The following MARCHF8 variants were observed in gnomAD, a reference collection of about 807,000 sequenced individuals.
The protein encoded by MARCHF8 is membrane associated ring-CH-type finger 8.
Under a neutral mutation model 51.6 loss-of-function variants are expected in MARCHF8, and 40 were observed. The ratio of observed to expected loss-of-function variants is 0.77; its 90% confidence interval spans 0.60 to 1.01. The LOEUF (loss-of-function observed/expected upper bound fraction) is 1.01. Ranked by LOEUF, MARCHF8 falls within the 50% of genes least tolerant of loss-of-function variation. MARCHF8 has a pLI of 0.00. For missense variants in MARCHF8, 685 were observed against 708.6 expected, an observed-to-expected ratio of 0.97 and a Z score of 0.38; for synonymous variants, 263 against 280.3, an observed-to-expected ratio of 0.94 and a Z score of 0.62.
At chr10:45,468,914 C>A (rs1189416566) in intron 3 of MARCHF8, among the ~76,000 whole-genome samples, 2 of 152,092 alleles carry the variant, frequency 1.3e-5, no homozygotes, top group Admixed American at 6.5e-5. Context: ...AGGATGACAA[C>A]TGCCCTCAGG....
chr10:45,571,312 G>A (rs1462146222), intron 1 of MARCHF8, among the ~76,000 whole-genome samples: 1 of 152,128 alleles, frequency 6.6e-6, no homozygotes, highest in Non-Finnish European at 1.5e-5. Context: ...ACATTACCTT[G>A]TGAAATTCCT....
intron 2 of MARCHF8, among the ~76,000 whole-genome samples, chr10:45,494,817 T>C (rs1168793202): frequency 6.6e-6 from 1 of 152,144 alleles, no homozygotes; most frequent in Non-Finnish European, 1.5e-5. Flanking sequence ...AGGACCCCTT[T>C]ATCCTGTAAA....
At chr10:45,485,451 C>T (rs1312720491) in intron 3 of MARCHF8, among the ~76,000 whole-genome samples, 2 of 152,208 alleles carry the variant, frequency 1.3e-5, no homozygotes, top group African/African-American at 2.4e-5. Context: ...ATTGTAATTG[C>T]TTAAATATCC....
chr10:45,473,877 A>T (rs2042739657), intron 3 of MARCHF8, among the ~76,000 whole-genome samples: 1 of 152,142 alleles, frequency 6.6e-6, no homozygotes. Context: ...GGACTTTCCA[A>T]GCAGGTGACA....
chr10:45,493,074 T>C (rs1407256857), intron 2 of MARCHF8, among the ~76,000 whole-genome samples: 1 of 152,224 alleles, frequency 6.6e-6, no homozygotes, highest in Non-Finnish European at 1.5e-5. Context: ...AAAAGTGTTT[T>C]GGTGAGAAAT....
chr10:45,527,486 T>C (rs1354279335), intron 2 of MARCHF8, among the ~76,000 whole-genome samples: 7 of 152,128 alleles, frequency 4.6e-5, no homozygotes. Context: ...TGAACATCTC[T>C]ACACTAACGA....
intron 3 of MARCHF8, among the ~76,000 whole-genome samples, chr10:45,484,294 T>A (rs890917902): frequency 6.6e-6 from 1 of 152,202 alleles, no homozygotes; most frequent in African/African-American, 2.4e-5. Flanking sequence ...GCAAGGGAAG[T>A]ACATAGGGTG....
intron 1 of MARCHF8, among the ~76,000 whole-genome samples, chr10:45,584,124 A>G (rs1365247445): frequency 3.3e-5 from 2 of 59,864 alleles, no homozygotes; most frequent in Non-Finnish European, 6.6e-5. Flanking sequence ...CATATATACA[A>G]TCATATATAT....
At chr10:45,483,306 C>A (rs2042921825) in intron 3 of MARCHF8, among the ~76,000 whole-genome samples, 1 of 151,902 alleles carries the variant, frequency 6.6e-6, no homozygotes. Context: ...ACAAACAATC[C>A]CATTAAAAAG....
chr10:45,559,224 A>C (rs557404726), intron 1 of MARCHF8, among the ~76,000 whole-genome samples: 1 of 152,248 alleles, frequency 6.6e-6, no homozygotes, highest in Non-Finnish European at 1.5e-5. Flanking sequence ...TGTGAAAATC[A>C]CTTGCAAACT....
intron 2 of MARCHF8, among the ~76,000 whole-genome samples, chr10:45,519,452 G>A (rs1439751926): frequency 2.0e-5 from 3 of 152,142 alleles, no homozygotes; most frequent in African/African-American, 7.2e-5. Flanking sequence ...TAGATCAAGG[G>A]TCAGCAAACT....
chr10:45,468,173 T>C (rs1452904871), intron 3 of MARCHF8, among the ~76,000 whole-genome samples: 3 of 152,250 alleles, frequency 2.0e-5, no homozygotes, highest in African/African-American at 4.8e-5. Flanking sequence ...TTCACCATTT[T>C]AAATGATTTT....
In MARCHF8 at chr10:45,542,679, C is replaced by T. The variant is rs2044069743; in HGVS notation, c.-78-9390G>A. On this transcript the variant is annotated intron_variant, in intron 1 of 6. Transcript: ENST00000319836. ...TCATTTTTCAAAATGAAATGTATTA[C>T]TTTTATTACATGTATTTTAGTACAC... 2.0e-5 allele frequency among the ~76,000 whole-genome samples: 3 copies of T among 152,036 alleles called. No individual in the cohort carries two copies. The South Asian group carries it at 6.2e-4, about 32-fold the overall frequency.
intron 6 of MARCHF8, chr10:45,459,904 A>G (rs1564461483): frequency 2.0e-6 from 2 of 985,302 alleles, no homozygotes; most frequent in Non-Finnish European, 2.4e-6. Context: ...GAGAAAACAC[A>G]TAAAGGTAGA....
chr10:45,566,467 C>A (rs1394703195), intron 1 of MARCHF8, among the ~76,000 whole-genome samples: 1 of 152,130 alleles, frequency 6.6e-6, no homozygotes, highest in Non-Finnish European at 1.5e-5. Flanking sequence ...CTCTCTACGT[C>A]CATGAGTTCA....
At chr10:45,568,503 G>A (rs985495931) in intron 1 of MARCHF8, among the ~76,000 whole-genome samples, 4 of 151,990 alleles carry the variant, frequency 2.6e-5, no homozygotes, top group African/African-American at 4.8e-5. Flanking sequence ...GGCAGATCAC[G>A]AGGTCAAGAG....
chr10:45,480,411 T>G (rs1484581477), intron 3 of MARCHF8, among the ~76,000 whole-genome samples: 1 of 151,938 alleles, frequency 6.6e-6, no homozygotes, highest in Non-Finnish European at 1.5e-5. Context: ...TGGGGGAAAA[T>G]GTCTCAAGGG....
intron 7 of MARCHF8, 130 bp from the exon 8 acceptor site, chr10:45,458,673 C>T: frequency 1.0e-6 from 1 of 1,000,086 alleles, no homozygotes; most frequent in East Asian, 2.6e-5. Flanking sequence ...TGGAGTCTTG[C>T]TATGTTGCCC....
chr10:45,475,616 G>A (rs981102454), intron 3 of MARCHF8, among the ~76,000 whole-genome samples: 12 of 152,012 alleles, frequency 7.9e-5, no homozygotes, highest in Non-Finnish European at 1.0e-4. Context: ...CATCACAGCC[G>A]CAAACTGCTT....
Sources: allele counts gnomAD v4.1 joint callset (sites outside exome capture counted in the v4.1 genomes callset), GRCh38; gene constraint gnomAD v4.1.1; transcripts MANE v1.5; gene names NCBI Gene and HGNC (gene_info 2026-07-23, HGNC 2026-07-21).